The following OR2C1 variants were observed in gnomAD, a reference collection of about 807,000 sequenced individuals.
OR2C1 encodes the protein olfactory receptor family 2 subfamily C member 1.
For synonymous variants in OR2C1, 209 were observed against 167.3 expected (o/e 1.25, Z -1.92); for missense variants, 468 against 388.3 (o/e 1.21, Z -1.73).
At position 3,357,220 on chromosome 16, in the gene OR2C1, C is replaced by T. The variant is rs1174926300; in HGVS notation, c.*341C>T. 8.8e-6 allele frequency: 2 copies of T among 228,512 alleles called. No individual in the cohort carries two copies. The highest frequency in any genetic ancestry group is 1.9e-5 in the Non-Finnish European group (2 of 106,616). 14.2% of individuals were successfully genotyped at this position (228,512 alleles called of 1,614,324 possible). A position where few individuals can be genotyped will look rare whatever the true frequency, so the allele number is the denominator to read the frequency against. ...CCTTATATTTCTGCAGAATTCTGTA[C>T]TTTTCTAAGCAAAGCACCTCCACTT... On this transcript the variant is annotated 3_prime_UTR_variant, in exon 1 of 1. Coordinates refer to ENST00000304936, the MANE Select transcript of OR2C1 (RefSeq NM_012368.3).
At chr16:3,346,601 T>C in the OR2C1 span, among the ~76,000 whole-genome samples, 1 of 150,752 alleles carries the variant, frequency 6.6e-6, no homozygotes, top group Admixed American at 6.7e-5. Flanking sequence ...ACTTAAAATA[T>C]TTTAATGAAA....
At chr16:3,328,972 T>C in the OR2C1 span, among the ~76,000 whole-genome samples, 4,534 of 134,510 alleles carry the variant, frequency 0.034, 380 homozygotes, top group East Asian at 0.33. Context: ...AATAAAACAG[T>C]TGGGTGGACT....
chr16:3,334,958 A>G, the OR2C1 span, among the ~76,000 whole-genome samples: 1 of 151,990 alleles, frequency 6.6e-6, no homozygotes, highest in South Asian at 2.1e-4. Context: ...AGCTGGGATT[A>G]TAGGTGTGTG....
At chr16:3,344,682 G>T in the OR2C1 span, among the ~76,000 whole-genome samples, 77 of 150,966 alleles carry the variant, frequency 5.1e-4, 1 homozygote, top group Non-Finnish European at 9.3e-4. Context: ...AGCCGAGATC[G>T]GCGCCACTGC....
the OR2C1 span, among the ~76,000 whole-genome samples, chr16:3,346,027 A>C: frequency 3.3e-5 from 5 of 151,986 alleles, no homozygotes; most frequent in African/African-American, 1.2e-4. Context: ...TAGAGACAAG[A>C]TCTCACTATG....
the OR2C1 span, chr16:3,323,951 C>T: frequency 1.5e-6 from 1 of 682,824 alleles, no homozygotes; most frequent in African/African-American, 1.8e-5. Flanking sequence ...GCTGCTGATC[C>T]TTACTGTTGA....
the OR2C1 span, among the ~76,000 whole-genome samples, chr16:3,329,502 T>C: frequency 6.6e-6 from 1 of 151,988 alleles, no homozygotes; most frequent in African/African-American, 2.4e-5. Flanking sequence ...CAGGCTGGAG[T>C]GCAGTGGCGC....
At chr16:3,335,809 T>A in the OR2C1 span, among the ~76,000 whole-genome samples, 1 of 152,186 alleles carries the variant, frequency 6.6e-6, no homozygotes, top group Non-Finnish European at 1.5e-5. Flanking sequence ...GTTCTAAAAA[T>A]TTTTTTGTGG....
At chr16:3,351,168 T>A (rs67426049), upstream of OR2C1, among the ~76,000 whole-genome samples, 124,415 of 147,902 alleles carry the variant, frequency 0.84, 52,601 homozygotes, top group East Asian at 0.95. Context: ...CAAAATGCCC[T>A]ATCGTAATTT....
chr16:3,329,795 C>G, the OR2C1 span, among the ~76,000 whole-genome samples: 1 of 107,088 alleles, frequency 9.3e-6, no homozygotes, highest in Admixed American at 1.3e-4. Context: ...CACTCTGTTG[C>G]CCAGGCTGGA....
At chr16:3,343,943 G>A in the OR2C1 span, among the ~76,000 whole-genome samples, 5 of 152,206 alleles carry the variant, frequency 3.3e-5, no homozygotes, top group Admixed American at 3.3e-4. Context: ...AATGGGCTGG[G>A]CGCAATGGCT....
upstream of OR2C1, among the ~76,000 whole-genome samples, chr16:3,351,172 G>A (rs1596413441): frequency 2.7e-5 from 4 of 145,610 alleles, no homozygotes; most frequent in South Asian, 6.6e-4. Context: ...ATGCCCTATC[G>A]TAATTTCTCC....
At chr16:3,350,200 C>G in the OR2C1 span, among the ~76,000 whole-genome samples, 1 of 150,682 alleles carries the variant, frequency 6.6e-6, no homozygotes, top group Non-Finnish European at 1.5e-5. Context: ...GAATTACAGG[C>G]GCCTGCCACC....
the OR2C1 span, among the ~76,000 whole-genome samples, chr16:3,337,357 C>T: frequency 1.5e-4 from 22 of 151,452 alleles, no homozygotes; most frequent in Non-Finnish European, 2.9e-5. Flanking sequence ...TTAATAGAGA[C>T]GGGGTTTCAC....
Position 3,356,015 on chromosome 16 carries a change from G to T in OR2C1, c.75G>T (p.Met25Ile), listed in dbSNP as rs746719602. The change falls in exon 1 of 1, where the codon ATG becomes ATT. Residue 25 changes from methionine to isoleucine, a missense_variant. Physicochemically the swap from Met to Ile is conservative, Grantham distance 10. Coordinates refer to ENST00000304936, the MANE Select transcript of OR2C1 (RefSeq NM_012368.3). ...MGISDHPQLE[M>I]IFFIAILFSY... ...TATCAGACCATCCCCAGCTGGAGAT[G>T]ATCTTTTTTATAGCCATCCTCTTCT... The T allele has an allele frequency of 3.1e-6, 5 of 1,614,070 alleles. No individual in the cohort carries two copies. Among genetic ancestry groups the T allele is most frequent in the Non-Finnish European group, 8.5e-7 (1 of 1,179,986 alleles).
upstream of OR2C1, among the ~76,000 whole-genome samples, chr16:3,355,729 C>T (rs2030655127): frequency 6.6e-6 from 1 of 152,094 alleles, no homozygotes; most frequent in Non-Finnish European, 1.5e-5. Flanking sequence ...TTGCAGTGAG[C>T]TGAGATTGTG....
At chr16:3,339,500 A>G in the OR2C1 span, among the ~76,000 whole-genome samples, 2 of 152,134 alleles carry the variant, frequency 1.3e-5, no homozygotes, top group African/African-American at 4.8e-5. Flanking sequence ...TCTGTCGCCC[A>G]GGCTGGAGTG....
At chr16:3,353,983 C>CT (rs1001983184), upstream of OR2C1, among the ~76,000 whole-genome samples, 4,577 of 115,378 alleles carry the variant, frequency 0.04, 223 homozygotes, top group African/African-American at 0.12. Flanking sequence ...CTTTTCTTTT[C>CT]TTTTTTTTTT....
chr16:3,329,392 T>G, the OR2C1 span, among the ~76,000 whole-genome samples: 1 of 151,910 alleles, frequency 6.6e-6, no homozygotes, highest in South Asian at 2.1e-4. Flanking sequence ...ATAGGATAGA[T>G]AAGAATAAAG....
Sources: allele counts gnomAD v4.1 joint callset (sites outside exome capture counted in the v4.1 genomes callset), GRCh38; gene constraint gnomAD v4.1.1; transcripts MANE v1.5; gene names NCBI Gene and HGNC (gene_info 2026-07-23, HGNC 2026-07-21).